RAB3GAP2: variants seen among roughly 807,000 people sequenced by gnomAD.
RAB3GAP2 encodes RAB3 GTPase activating non-catalytic protein subunit 2, also known as rab3 GTPase-activating protein non-catalytic subunit.
In RAB3GAP2, 87 loss-of-function variants were observed where a neutral mutation model predicts 185.3. That is an observed-to-expected ratio of 0.47 (90% CI 0.39 to 0.56). The LOEUF (loss-of-function observed/expected upper bound fraction) is 0.56. Among genes scored for constraint, RAB3GAP2 ranks in the 20% least tolerant of loss-of-function variants. The pLI, the probability that RAB3GAP2 is intolerant of heterozygous loss-of-function variation, is 0.00. For missense variants in RAB3GAP2, 1,492 were observed against 1,638.2 expected (o/e 0.91, Z 1.54); for synonymous variants, 554 against 576.1 (o/e 0.96, Z 0.55).
At chr1:220,262,837 T>C (rs1235166242) in intron 1 of RAB3GAP2, among the ~76,000 whole-genome samples, 4 of 152,350 alleles carry the variant, frequency 2.6e-5, no homozygotes, top group African/African-American at 9.6e-5. Context: ...TGAAGTGATA[T>C]TGCTGGATCA....
chr1:220,261,950 CTATT>C (rs1660144723), intron 1 of RAB3GAP2, among the ~76,000 whole-genome samples: 1 of 151,818 alleles, frequency 6.6e-6, no homozygotes, highest in Non-Finnish European at 1.5e-5. Flanking sequence ...TTTAAATAAT[CTATT>C]TATTATTAAT....
At chr1:220,206,165 G>A (rs1658962448) in intron 7 of RAB3GAP2, among the ~76,000 whole-genome samples, 159 bp from the exon 8 acceptor site, 1 of 152,136 alleles carries the variant, frequency 6.6e-6, no homozygotes, top group Admixed American at 6.5e-5. Context: ...TAATTTGAGA[G>A]TGCCTTTTTG....
intron 21 of RAB3GAP2, among the ~76,000 whole-genome samples, chr1:220,181,667 C>A (rs1269763707): frequency 6.6e-6 from 1 of 152,016 alleles, no homozygotes; most frequent in Admixed American, 6.6e-5. Flanking sequence ...TACTGATGAT[C>A]CAATTCCACT....
At chr1:220,244,805 C>A (rs376612576) in intron 1 of RAB3GAP2, among the ~76,000 whole-genome samples, 2 of 152,024 alleles carry the variant, frequency 1.3e-5, no homozygotes. Flanking sequence ...GGATCCCCAT[C>A]TCTCATAAAA....
intron 26 of RAB3GAP2, 56 bp from the exon 27 acceptor site, chr1:220,164,855 T>C: frequency 6.6e-7 from 1 of 1,517,666 alleles, no homozygotes. Flanking sequence ...TTAATAGGTT[T>C]TACCATTATC....
At chr1:220,256,463 A>G (rs549236416) in intron 1 of RAB3GAP2, among the ~76,000 whole-genome samples, 62 of 152,334 alleles carry the variant, frequency 4.1e-4, no homozygotes, top group African/African-American at 1.5e-3. Flanking sequence ...TAGAATGTCA[A>G]GCTGGATAAA....
At chr1:220,239,001 C>T (rs543174251) in intron 1 of RAB3GAP2, among the ~76,000 whole-genome samples, 23 of 152,178 alleles carry the variant, frequency 1.5e-4, no homozygotes, top group African/African-American at 3.6e-4. Context: ...ATTTGCTAAA[C>T]GAATAGTAAT....
Position 220,170,806 on chromosome 1 carries a change from T to C in RAB3GAP2, c.2806+86A>G, listed in dbSNP as rs147250881. 8.9e-4 allele frequency: 985 copies of C among 1,105,958 alleles called. 20 individuals are homozygous for C. In the East Asian group the frequency reaches 0.018, roughly 20 times the overall value. The allele number at this position is 1,105,958 out of a possible 1,614,324, so 68.5% of individuals were successfully genotyped here. On this transcript the variant is annotated intron_variant, in intron 24 of 34. Coordinates refer to ENST00000358951, the MANE Select transcript of RAB3GAP2 (RefSeq NM_012414.4). The stretch of plus-strand genomic sequence containing the variant: ...TTTTAAATCTGAGTGTATTTTTCTT[T>C]CTCTATTCTTTCCGTCATTTCTATT...
intron 21 of RAB3GAP2, among the ~76,000 whole-genome samples, chr1:220,177,472 G>T (rs148534816): frequency 5.9e-4 from 90 of 152,174 alleles, no homozygotes; most frequent in African/African-American, 2.1e-3. Flanking sequence ...ACAAAGAAAG[G>T]CACCAGAGAC....
At chr1:220,180,336 C>G (rs1292045533) in intron 21 of RAB3GAP2, among the ~76,000 whole-genome samples, 2 of 151,776 alleles carry the variant, frequency 1.3e-5, no homozygotes, top group East Asian at 3.9e-4. Flanking sequence ...AAAAAAATTA[C>G]ACAAGATCAA....
chr1:220,209,681 A>C (rs1405810465), intron 7 of RAB3GAP2, among the ~76,000 whole-genome samples: 1 of 152,106 alleles, frequency 6.6e-6, no homozygotes, highest in Non-Finnish European at 1.5e-5. Context: ...ATGCAAATTA[A>C]ATTAACAAAT....
At chr1:220,164,451 T>TG (rs1558141003) in intron 27 of RAB3GAP2, among the ~76,000 whole-genome samples, 1 of 150,450 alleles carries the variant, frequency 6.6e-6, no homozygotes, top group Non-Finnish European at 1.5e-5. Flanking sequence ...TACTGTTTTT[T>TG]TTTTGTTTTG....
chr1:220,158,891 A>T lies in RAB3GAP2; in HGVS notation c.3261+495T>A, dbSNP rs1234078971. Among the ~76,000 whole-genome samples the T allele has an allele frequency of 6.6e-6, 1 of 152,222 alleles. No individual in the cohort carries two copies. The highest frequency in any genetic ancestry group is 2.4e-5 in the African/African-American group (1 of 41,456). On this transcript the variant is annotated intron_variant, in intron 29 of 34. Transcript: ENST00000358951. This position sits in a 1 kb window ranked among gnomAD's most constrained non-coding sequence, Gnocchi z 4.3. ...CCATTCTCAAGAACACATCAGAAAA[A>T]GTCTTCAACAATGGAAGCTAGTACT...
At chr1:220,208,777 C>T (rs1659022990) in intron 7 of RAB3GAP2, among the ~76,000 whole-genome samples, 1 of 151,752 alleles carries the variant, frequency 6.6e-6, no homozygotes, top group African/African-American at 2.4e-5. Flanking sequence ...AGTGTAGTGG[C>T]AAGATCTTAG....
chr1:220,183,931 G>A, intron 19 of RAB3GAP2, 105 bp downstream of exon 19: 1 of 1,009,868 alleles, frequency 9.9e-7, no homozygotes, highest in Admixed American at 2.8e-5. Context: ...TACCTTTAAA[G>A]CTTTAAAAAA....
chr1:220,169,514 C>T (rs1408771595), intron 24 of RAB3GAP2, among the ~76,000 whole-genome samples: 3 of 152,072 alleles, frequency 2.0e-5, no homozygotes, highest in Non-Finnish European at 4.4e-5. Context: ...AGTAAGATTT[C>T]GATATCCATG....
At chr1:220,266,810 C>T in intron 1 of RAB3GAP2, 1 of 1,595,828 alleles carries the variant, frequency 6.3e-7, no homozygotes, top group South Asian at 1.1e-5. Context: ...TGGCCTCTGG[C>T]TGGGAACATG....
chr1:220,209,311 T>C (rs1460127891), intron 7 of RAB3GAP2, among the ~76,000 whole-genome samples: 5 of 152,224 alleles, frequency 3.3e-5, no homozygotes, highest in Non-Finnish European at 7.3e-5. Context: ...CTCATTACTT[T>C]ATAACATAAG....
chr1:220,232,178 T>C (rs541402447), intron 2 of RAB3GAP2, among the ~76,000 whole-genome samples: 1 of 152,288 alleles, frequency 6.6e-6, no homozygotes, highest in African/African-American at 2.4e-5. Flanking sequence ...TTATGAAAGA[T>C]AAAGAATCCT....
Sources: allele counts gnomAD v4.1 joint callset (sites outside exome capture counted in the v4.1 genomes callset), GRCh38; gene constraint gnomAD v4.1.1; non-coding constraint Gnocchi (gnomAD v3.1); transcripts MANE v1.5; gene names NCBI Gene and HGNC (gene_info 2026-07-23, HGNC 2026-07-21).